The following PTPRD variants were observed in gnomAD, a reference collection of about 807,000 sequenced individuals.
PTPRD encodes protein tyrosine phosphatase receptor type D, also known as receptor-type tyrosine-protein phosphatase delta.
In PTPRD, 34 loss-of-function variants were observed where a neutral mutation model predicts 214.5. The observed-to-expected ratio is 0.16, with a 90% CI of 0.12 to 0.21. The LOEUF is 0.21. PTPRD is among the 10% of genes least tolerant of loss of function. The probability of loss-of-function intolerance (pLI) is 1.00; values close to 1 mark genes in which losing one functional copy is unlikely to be tolerated. For missense variants in PTPRD, 2,545 were observed against 2,398.7 expected, an observed-to-expected ratio of 1.06 and a Z score of -1.27; for synonymous variants, 1,128 against 845.7, an observed-to-expected ratio of 1.33 and a Z score of -5.79.
chr9:8,427,663 C>A (rs2094774871), intron 35 of PTPRD, among the ~76,000 whole-genome samples: 2 of 151,924 alleles, frequency 1.3e-5, no homozygotes, highest in South Asian at 4.2e-4. Flanking sequence ...TTTTATTCTT[C>A]TTCTTCTTAT....
chr9:10,494,280 TA>T lies in PTPRD; in HGVS notation c.-600+118117del, dbSNP rs1261662812. On this transcript the variant is annotated intron_variant, in intron 2 of 45. Transcript: ENST00000381196. ...AATCAAAACACTTATCATGAACATATAATCAAATTCTCTGATTACATGCATT... is the reference window on the plus strand; with the variant it reads ...AATCAAAACACTTATCATGAACATATATCAAATTCTCTGATTACATGCATT... 7.2e-5 allele frequency among the ~76,000 whole-genome samples: 11 copies of T among 152,034 alleles called. No homozygotes were observed. The East Asian group carries it at 2.1e-3, about 29-fold the overall frequency.
At chr9:8,353,601 T>C (rs116113522) in intron 39 of PTPRD, among the ~76,000 whole-genome samples, 1 of 151,794 alleles carries the variant, frequency 6.6e-6, no homozygotes, top group Non-Finnish European at 1.5e-5. Context: ...CCCGGCTCAT[T>C]TTCCTTATAT....
chr9:8,542,813 G>A (rs2078829701), intron 14 of PTPRD, among the ~76,000 whole-genome samples: 1 of 152,198 alleles, frequency 6.6e-6, no homozygotes, highest in Non-Finnish European at 1.5e-5. Context: ...CGTGAGCTCA[G>A]CATCCTCACT....
chr9:9,623,454 G>C (rs569135308), intron 7 of PTPRD, among the ~76,000 whole-genome samples: 3 of 152,236 alleles, frequency 2.0e-5, no homozygotes, highest in South Asian at 4.1e-4. Context: ...TTCCAGTATA[G>C]GCAATATTCT....
chr9:8,444,299 C>T (rs1407830470), intron 34 of PTPRD, among the ~76,000 whole-genome samples: 3 of 152,096 alleles, frequency 2.0e-5, no homozygotes, highest in Non-Finnish European at 4.4e-5. Flanking sequence ...ACATAATACA[C>T]TCACTTGAAA....
At chr9:8,443,053 G>A (rs779907827) in intron 34 of PTPRD, among the ~76,000 whole-genome samples, 7 of 152,234 alleles carry the variant, frequency 4.6e-5, no homozygotes, top group Non-Finnish European at 1.0e-4. Context: ...GTTGAGGTGG[G>A]TGGATTACTT....
intron 3 of PTPRD, among the ~76,000 whole-genome samples, chr9:10,184,490 G>T (rs1369337072): frequency 6.6e-6 from 1 of 152,030 alleles, no homozygotes; most frequent in Non-Finnish European, 1.5e-5. Flanking sequence ...AAAACTCTGA[G>T]ACAAGAATTA....
At chr9:8,916,354 C>A (rs544169584) in intron 11 of PTPRD, among the ~76,000 whole-genome samples, 1 of 152,226 alleles carries the variant, frequency 6.6e-6, no homozygotes, top group African/African-American at 2.4e-5. Flanking sequence ...GGATCAGAAA[C>A]ATGACCCTGC....
chr9:9,742,359 T>C (rs1746812), intron 6 of PTPRD, among the ~76,000 whole-genome samples: 1 of 151,520 alleles, frequency 6.6e-6, no homozygotes, highest in Admixed American at 6.6e-5. Flanking sequence ...TAAAAAGAAA[T>C]GTGACCTTCA....
chr9:9,094,043 A>G (rs1403626025), intron 10 of PTPRD, among the ~76,000 whole-genome samples: 1 of 152,174 alleles, frequency 6.6e-6, no homozygotes, highest in African/African-American at 2.4e-5. Flanking sequence ...ATTAACATAC[A>G]TAAGTTCAAC....
Position 10,494,188 on chromosome 9 carries a change from T to C in PTPRD, c.-600+118210A>G, listed in dbSNP as rs948889824. On this transcript the variant is annotated intron_variant, in intron 2 of 45. Coordinates refer to ENST00000381196, the MANE Select transcript of PTPRD (RefSeq NM_002839.4). ...ATTATACATTCTTCTTACATTTTTATAAGCAATATCCTCTAAAGATAGTTT... is the reference window on the plus strand; with the variant it reads ...ATTATACATTCTTCTTACATTTTTACAAGCAATATCCTCTAAAGATAGTTT... Among the ~76,000 whole-genome samples the C allele has an allele frequency of 4.6e-5, 7 of 152,042 alleles. No homozygotes were observed. In the East Asian group the frequency reaches 1.4e-3, roughly 29 times the overall value.
chr9:10,227,169 G>A (rs2099591633), intron 3 of PTPRD, among the ~76,000 whole-genome samples: 2 of 151,936 alleles, frequency 1.3e-5, no homozygotes, highest in African/African-American at 4.8e-5. Flanking sequence ...TTTTTCACGT[G>A]GCCATGATTT....
Position 9,074,907 on chromosome 9 carries a change from A to C in PTPRD, c.-142-56172T>G, listed in dbSNP as rs1480703384. Among the ~76,000 whole-genome samples the C allele has an allele frequency of 7.1e-5, 10 of 141,510 alleles. No homozygotes were observed. In the East Asian group the frequency reaches 1.8e-3, roughly 26 times the overall value. The allele number at this position is 141,510 out of a possible 152,430, so 92.8% of individuals were successfully genotyped here. A position where few individuals can be genotyped will look rare whatever the true frequency, so the allele number is the denominator to read the frequency against. On this transcript the variant is annotated intron_variant, in intron 10 of 45. Coordinates refer to ENST00000381196, the MANE Select transcript of PTPRD (RefSeq NM_002839.4). ...ATTTAGTTTGGGAGGTATTTTGGGC[A>C]AAAAAAAAAAAGTCCTATATTATCC...
chr9:9,740,811 T>C (rs889118833), intron 6 of PTPRD, among the ~76,000 whole-genome samples: 8 of 152,194 alleles, frequency 5.3e-5, no homozygotes. Flanking sequence ...GTAAACTCAC[T>C]AGTGGAAGCT....
intron 10 of PTPRD, among the ~76,000 whole-genome samples, chr9:9,108,175 C>A (rs148521051): frequency 6.6e-6 from 1 of 152,028 alleles, no homozygotes; most frequent in African/African-American, 2.4e-5. Context: ...TCCTGTAAAA[C>A]TTATATTATT....
intron 12 of PTPRD, among the ~76,000 whole-genome samples, chr9:8,660,493 C>G (rs2097019027): frequency 6.6e-6 from 1 of 152,124 alleles, no homozygotes; most frequent in Non-Finnish European, 1.5e-5. Flanking sequence ...ACATTCCTGT[C>G]TCCTATTACT....
intron 10 of PTPRD, among the ~76,000 whole-genome samples, chr9:9,060,270 A>G (rs1452121177): frequency 6.6e-6 from 1 of 152,162 alleles, no homozygotes; most frequent in Non-Finnish European, 1.5e-5. Context: ...GAGTTGATTT[A>G]TGACAAGAGT....
chr9:10,423,103 CA>C (rs1286808107), intron 2 of PTPRD, among the ~76,000 whole-genome samples: 1 of 152,052 alleles, frequency 6.6e-6, no homozygotes, highest in African/African-American at 2.4e-5. Flanking sequence ...GGCACATATA[CA>C]CCATGGAATA....
intron 14 of PTPRD, among the ~76,000 whole-genome samples, chr9:8,570,738 C>G (rs2090879629): frequency 1.3e-5 from 2 of 151,920 alleles, no homozygotes; most frequent in Non-Finnish European, 2.9e-5. Flanking sequence ...TGTCTCTGAC[C>G]TGTGTTTGTT....
Sources: allele counts gnomAD v4.1 joint callset (sites outside exome capture counted in the v4.1 genomes callset), GRCh38; gene constraint gnomAD v4.1.1; transcripts MANE v1.5; gene names NCBI Gene and HGNC (gene_info 2026-07-23, HGNC 2026-07-21).